The following ASTN1 variants were observed in gnomAD, a reference collection of about 807,000 sequenced individuals.
ASTN1 encodes the protein astrotactin-1.
ASTN1 carries 41 observed loss-of-function variants against 140.7 expected under a neutral mutation model. The observed-to-expected ratio is 0.29, with a 90% CI of 0.23 to 0.38. The LOEUF (loss-of-function observed/expected upper bound fraction) is 0.38, where lower values mean the gene tolerates loss of function less well. Among genes scored for constraint, ASTN1 ranks in the 10% least tolerant of loss-of-function variants. The pLI, the probability that ASTN1 is intolerant of heterozygous loss-of-function variation, is 1.00. For synonymous variants in ASTN1, 640 were observed against 652.2 expected, an observed-to-expected ratio of 0.98 and a Z score of 0.29; for missense variants, 1,479 against 1,678.8, an observed-to-expected ratio of 0.88 and a Z score of 2.08.
chr1:177,130,890 T>G (rs1681908516), intron 1 of ASTN1, among the ~76,000 whole-genome samples: 3 of 152,238 alleles, frequency 2.0e-5, no homozygotes, highest in African/African-American at 4.8e-5. Flanking sequence ...GTTAGGTCCC[T>G]TGAGAAGGAG....
chr1:177,063,260 TA>T (rs746801481), intron 1 of ASTN1, among the ~76,000 whole-genome samples: 12 of 152,218 alleles, frequency 7.9e-5, no homozygotes, highest in Non-Finnish European at 1.2e-4. Context: ...AAGGTACAAT[TA>T]AGAGTGTGGG....
chr1:177,108,169 G>A (rs1349729069), intron 1 of ASTN1, among the ~76,000 whole-genome samples: 1 of 151,886 alleles, frequency 6.6e-6, no homozygotes, highest in African/African-American at 2.4e-5. Flanking sequence ...CCAACATGGT[G>A]AAACCCCATC....
intron 15 of ASTN1, among the ~76,000 whole-genome samples, chr1:176,935,352 G>T (rs1671397101): frequency 6.6e-6 from 1 of 152,188 alleles, no homozygotes; most frequent in Admixed American, 6.5e-5. Context: ...CTATGTAAAT[G>T]GAGTAAAGTC....
intron 8 of ASTN1, among the ~76,000 whole-genome samples, chr1:176,970,452 T>A (rs1276311083): frequency 6.6e-6 from 1 of 152,208 alleles, no homozygotes; most frequent in African/African-American, 2.4e-5. Context: ...TCCACCTAAC[T>A]GTGGCACTTG....
chr1:177,090,430 C>T (rs1375468940), intron 1 of ASTN1, among the ~76,000 whole-genome samples: 1 of 152,014 alleles, frequency 6.6e-6, no homozygotes, highest in Non-Finnish European at 1.5e-5. Flanking sequence ...TGTGAGCTTC[C>T]TAAAGAACAA....
intron 1 of ASTN1, among the ~76,000 whole-genome samples, chr1:177,093,940 T>C (rs765630031): frequency 1.3e-5 from 2 of 151,988 alleles, no homozygotes; most frequent in Non-Finnish European, 2.9e-5. Context: ...TGTTTTGGGT[T>C]CAGATCTACA....
chr1:176,889,635 C>T (rs536594211), intron 17 of ASTN1, among the ~76,000 whole-genome samples: 8 of 152,308 alleles, frequency 5.3e-5, no homozygotes, highest in African/African-American at 1.7e-4. Flanking sequence ...TCCATCCTGC[C>T]CCCTCCCCAG....
chr1:176,922,802 A>C (rs1670793090), intron 16 of ASTN1, among the ~76,000 whole-genome samples: 1 of 152,170 alleles, frequency 6.6e-6, no homozygotes, highest in East Asian at 1.9e-4. Flanking sequence ...ACCCAGGGCA[A>C]GTTTTACTAA....
intron 11 of ASTN1, among the ~76,000 whole-genome samples, chr1:176,955,716 C>T (rs995693362): frequency 1.3e-5 from 2 of 152,174 alleles, no homozygotes; most frequent in Non-Finnish European, 2.9e-5. Flanking sequence ...GTAAAAGGGG[C>T]TAGGATCACC....
intron 1 of ASTN1, among the ~76,000 whole-genome samples, chr1:177,155,848 A>G (rs1239844455): frequency 1.3e-5 from 2 of 152,224 alleles, no homozygotes; most frequent in African/African-American, 4.8e-5. Context: ...AGATAGATAT[A>G]TACATATGTT....
At chr1:177,014,929 T>C in intron 7 of ASTN1, 54 bp from the exon 8 acceptor site, 1 of 1,476,542 alleles carries the variant, frequency 6.8e-7, no homozygotes, top group Non-Finnish European at 9.4e-7. Flanking sequence ...TTGATTAACA[T>C]GTCTGTGTTT....
At chr1:177,154,661 A>G (rs537184678) in intron 1 of ASTN1, among the ~76,000 whole-genome samples, 2 of 139,316 alleles carry the variant, frequency 1.4e-5, no homozygotes, top group Non-Finnish European at 3.0e-5. Flanking sequence ...GACTTATTGC[A>G]AGAACACATA....
intron 19 of ASTN1, among the ~76,000 whole-genome samples, chr1:176,883,624 A>G (rs1298441326): frequency 2.0e-5 from 3 of 152,168 alleles, no homozygotes; most frequent in African/African-American, 7.2e-5. Context: ...GCAGCTCTCT[A>G]TGCCTGAAGC....
At chr1:177,149,099 A>G (rs183057690) in intron 1 of ASTN1, among the ~76,000 whole-genome samples, 2 of 136,366 alleles carry the variant, frequency 1.5e-5, no homozygotes, top group African/African-American at 5.4e-5. Context: ...TATATAGTAA[A>G]TATATATAGT....
intron 1 of ASTN1, among the ~76,000 whole-genome samples, chr1:177,149,821 G>C (rs188160780): frequency 9.7e-5 from 11 of 112,902 alleles, no homozygotes; most frequent in East Asian, 2.3e-4. Flanking sequence ...TATATATACA[G>C]TGTATATACA....
chr1:176,998,591 A>C (rs1490925016), intron 8 of ASTN1, among the ~76,000 whole-genome samples: 1 of 152,174 alleles, frequency 6.6e-6, no homozygotes, highest in Non-Finnish European at 1.5e-5. Context: ...AGATCATTAC[A>C]CAACCTCTCA....
At chr1:176,892,852 G>A (rs1189570889) in intron 17 of ASTN1, among the ~76,000 whole-genome samples, 1 of 152,170 alleles carries the variant, frequency 6.6e-6, no homozygotes, top group Non-Finnish European at 1.5e-5. Flanking sequence ...AAACAGAACA[G>A]CGGATGGCAA....
At chr1:177,029,789 C>A in intron 4 of ASTN1, 48 bp from the exon 5 acceptor site, 1 of 1,533,804 alleles carries the variant, frequency 6.5e-7, no homozygotes, top group Non-Finnish European at 8.9e-7. Flanking sequence ...GTTCTGGTTT[C>A]ATGACACCAA....
At chr1:176,973,965 C>T (rs1255402730) in intron 8 of ASTN1, among the ~76,000 whole-genome samples, 3 of 152,174 alleles carry the variant, frequency 2.0e-5, no homozygotes, top group Non-Finnish European at 4.4e-5. Context: ...TCAACTTCTT[C>T]ACATGTAAAA....
Sources: gnomAD v4.1 joint callset for allele counts (sites outside exome capture counted in the v4.1 genomes callset) on GRCh38, gnomAD v4.1.1 for gene constraint, MANE v1.5 for transcripts, NCBI Gene and HGNC (gene_info 2026-07-23, HGNC 2026-07-21) for gene names.